ERICH3: variants seen among roughly 807,000 people sequenced by gnomAD.
The protein encoded by ERICH3 is glutamate-rich protein 3.
In ERICH3, 126 loss-of-function variants were observed where a neutral mutation model predicts 131.1. The observed-to-expected ratio is 0.96, with a 90% CI of 0.83 to 1.11. ERICH3 has a LOEUF of 1.11. ERICH3 is among the 50% of genes most tolerant of loss of function. The pLI, the probability that ERICH3 is intolerant of heterozygous loss-of-function variation, is 0.00. For synonymous variants in ERICH3, 695 were observed against 644.6 expected, an observed-to-expected ratio of 1.08 and a Z score of -1.18; for missense variants, 2,050 against 1,810.7, an observed-to-expected ratio of 1.13 and a Z score of -2.40.
At chr1:74,669,394 C>T (rs1646721099) in intron 1 of ERICH3, among the ~76,000 whole-genome samples, 1 of 152,152 alleles carries the variant, frequency 6.6e-6, no homozygotes, top group African/African-American at 2.4e-5. Flanking sequence ...TCTCTATTTA[C>T]AGCCAAGTGT....
chr1:74,610,760 A>C (rs1340029314), intron 9 of ERICH3, among the ~76,000 whole-genome samples: 5 of 151,974 alleles, frequency 3.3e-5, no homozygotes, highest in Non-Finnish European at 5.9e-5. Context: ...ACCCACTCCA[A>C]GAAAGCTTAC....
intron 12 of ERICH3, among the ~76,000 whole-genome samples, chr1:74,584,475 T>C (rs529768675): frequency 6.6e-6 from 1 of 152,308 alleles, no homozygotes; most frequent in South Asian, 2.1e-4. Flanking sequence ...TCAGCAGCTA[T>C]GCTCCCAATT....
chr1:74,662,428 G>T (rs1646650816), intron 1 of ERICH3, among the ~76,000 whole-genome samples: 1 of 152,026 alleles, frequency 6.6e-6, no homozygotes, highest in Admixed American at 6.6e-5. Flanking sequence ...TGTTGCAGTT[G>T]CAGAGAGATT....
chr1:74,642,115 G>A (rs181747082), intron 4 of ERICH3, among the ~76,000 whole-genome samples: 1 of 152,048 alleles, frequency 6.6e-6, no homozygotes, highest in Non-Finnish European at 1.5e-5. Context: ...CCTTGATGTA[G>A]GGCAATATTG....
At chr1:74,593,005 T>C (rs1366935263) in intron 11 of ERICH3, among the ~76,000 whole-genome samples, 2 of 152,150 alleles carry the variant, frequency 1.3e-5, no homozygotes, top group African/African-American at 2.4e-5. Context: ...AGGGAAAAAT[T>C]ATCTTGGAAG....
At chr1:74,628,465 A>G (rs1649486485) in intron 7 of ERICH3, among the ~76,000 whole-genome samples, 1 of 152,188 alleles carries the variant, frequency 6.6e-6, no homozygotes, top group Non-Finnish European at 1.5e-5. Context: ...CAGTTTTCCT[A>G]ATAACATTTT....
chr1:74,576,576 T>C (rs1647058649), intron 13 of ERICH3, among the ~76,000 whole-genome samples: 4 of 152,210 alleles, frequency 2.6e-5, no homozygotes, highest in Admixed American at 2.6e-4. Context: ...TCAGGTGTCT[T>C]ATGTCTTCTG....
Position 74,606,751 on chromosome 1 carries a change from C to T in ERICH3, c.1339G>A (p.Glu447Lys), listed in dbSNP as rs747647527. 3.1e-6 allele frequency: 5 copies of T among 1,613,406 alleles called. No individual in the cohort carries two copies. The highest frequency in any genetic ancestry group is 4.2e-6 in the Non-Finnish European group (5 of 1,179,598). ...YVIPKRNEIK[E>K]NKTSVSAKFS... ...TTGGCTGAAACAGAGGTTTTGTTCT[C>T]CTTGATCTCATTTCTTTTTGGTATC... The change falls in exon 10 of 15, where the codon GAG (glutamate) becomes AAG (lysine). Residue 447 changes from glutamate (E) to lysine (K), a missense_variant. Glu to Lys is a moderately conservative substitution (Grantham distance 56). Coordinates refer to ENST00000326665, the MANE Select transcript of ERICH3 (RefSeq NM_001002912.5).
chr1:74,668,319 C>G (rs1432952063), intron 1 of ERICH3, among the ~76,000 whole-genome samples: 1 of 152,140 alleles, frequency 6.6e-6, no homozygotes, highest in Non-Finnish European at 1.5e-5. Context: ...ACACATCTCT[C>G]TTCATCTGGT....
rs200380141 is a variant in ERICH3 at position 74,572,212 on chromosome 1, C to A, written c.3498G>T (p.Ser1166=). 7.4e-6 allele frequency: 12 copies of A among 1,614,038 alleles called. No individual in the cohort carries two copies. The highest frequency in any genetic ancestry group is 1.0e-5 in the Non-Finnish European group (12 of 1,180,036). ...TCCTCAGAGCTGTTATGTTTTCCAG[C>A]GACTTTTCAAATCCAGGCGTTGCTT... ...IFEATPGFEK[S]LENITALRKE... is the part of the protein sequence containing the mutation. The change falls in exon 14 of 15, where the codon TCG becomes TCT. Residue 1166 remains serine, a synonymous_variant. Transcript: ENST00000326665.
chr1:74,649,276 C>T lies in ERICH3; in HGVS notation c.63G>A (p.Leu21=). The T allele has an allele frequency of 6.2e-7, 1 of 1,612,404 alleles. No individual in the cohort carries two copies. Among genetic ancestry groups the T allele is most frequent in the African/African-American group, 1.3e-5 (1 of 74,896 alleles). Residue 21 remains leucine (L), a synonymous_variant, in exon 2 of 15, where the codon CTG becomes CTA. Coordinates refer to ENST00000326665, the MANE Select transcript of ERICH3 (RefSeq NM_001002912.5). ...TCCTTGTATTGTTAAAATACCCAGC[C>T]AGGTGTTTATCCATAAGGCTATTAT... is the stretch of plus-strand genomic sequence containing the variant. The part of the protein sequence containing the change: ...AAYNSLMDKH[L]AGYFNNTRIR...
chr1:74,571,935 C>T lies in ERICH3; in HGVS notation c.3775G>A (p.Glu1259Lys). Residue 1259 changes from glutamate (E) to lysine (K), a missense_variant, in exon 14 of 15, where the codon GAA (glutamate) becomes AAA (lysine). Glu to Lys is a moderately conservative substitution (Grantham distance 56). Transcript: ENST00000326665. ...ACGACATCCACTCCTCCTTGCCCTTCAGCTCTCCCCTCCAGTCCTGCGCAG... is the reference window on the plus strand; with the variant it reads ...ACGACATCCACTCCTCCTTGCCCTTTAGCTCTCCCCTCCAGTCCTGCGCAG... ...DSCAGLEGRAEGQGGVDVVLR... is the reference protein window; with the variant it reads ...DSCAGLEGRAKGQGGVDVVLR... 1 of 1,613,450 alleles carries T rather than the reference C, an allele frequency of 6.2e-7. No homozygotes were observed. Among genetic ancestry groups the T allele is most frequent in the Non-Finnish European group, 8.5e-7 (1 of 1,180,022 alleles).
chr1:74,630,719 A>T (rs1234915014), intron 7 of ERICH3, among the ~76,000 whole-genome samples: 1 of 152,078 alleles, frequency 6.6e-6, no homozygotes, highest in Non-Finnish European at 1.5e-5. Context: ...AGAGACAGAG[A>T]TGAGTATTAG....
chr1:74,597,319 A>C (rs1286189694), intron 11 of ERICH3, among the ~76,000 whole-genome samples: 1 of 152,058 alleles, frequency 6.6e-6, no homozygotes. Flanking sequence ...TGGAGTAAAA[A>C]AAAACCATAA....
At chr1:74,649,539 G>A (rs1413723549) in intron 1 of ERICH3, among the ~76,000 whole-genome samples, 1 of 152,032 alleles carries the variant, frequency 6.6e-6, no homozygotes, top group East Asian at 1.9e-4. Flanking sequence ...AGACAAGTAT[G>A]GAAATCACAC....
rs182641050 is a variant in ERICH3, at chr1:74,673,311, G to A, written c.23+186C>T. Among the ~76,000 whole-genome samples, 11 of 152,210 alleles carry A rather than the reference G, an allele frequency of 7.2e-5. No homozygotes were observed. The East Asian group carries it at 2.1e-3, about 30-fold the overall frequency. On this transcript the variant is annotated intron_variant, in intron 1 of 14. Coordinates refer to ENST00000326665, the MANE Select transcript of ERICH3 (RefSeq NM_001002912.5). ...TGAAAGAAACGAAGAAGGGGAGGGA[G>A]GAGACATGATGCCTGGGATTTCTGC...
At chr1:74,573,945 G>C (rs939695882) in intron 13 of ERICH3, among the ~76,000 whole-genome samples, 1 of 149,932 alleles carries the variant, frequency 6.7e-6, no homozygotes, top group South Asian at 2.1e-4. Context: ...AAGAAAAATA[G>C]CATTTAATCT....
intron 13 of ERICH3, among the ~76,000 whole-genome samples, chr1:74,576,065 G>A (rs72675360): frequency 0.41 from 63,035 of 151,988 alleles, 13,926 homozygotes; most frequent in Non-Finnish European, 0.5. Flanking sequence ...AAAAACGCCA[G>A]CTCTGCCATT....
intron 6 of ERICH3, among the ~76,000 whole-genome samples, chr1:74,635,230 G>A (rs1646378297): frequency 6.6e-6 from 1 of 152,110 alleles, no homozygotes; most frequent in Admixed American, 6.6e-5. Context: ...GACTCAAGAA[G>A]TTCCTGCCTA....
Sources: allele counts gnomAD v4.1 joint callset (sites outside exome capture counted in the v4.1 genomes callset), GRCh38; gene constraint gnomAD v4.1.1; transcripts MANE v1.5; gene names NCBI Gene and HGNC (gene_info 2026-07-23, HGNC 2026-07-21).